The following SH3RF1 variants were observed in gnomAD, a reference collection of about 807,000 sequenced individuals.
SH3RF1 encodes E3 ubiquitin-protein ligase SH3RF1.
In SH3RF1, 32 loss-of-function variants were observed where a neutral mutation model predicts 74.0. The ratio of observed to expected loss-of-function variants is 0.43; its 90% CI spans 0.33 to 0.58. The LOEUF is 0.58. Ranked by LOEUF, SH3RF1 falls within the 20% of genes least tolerant of loss-of-function variation. The pLI, the probability that SH3RF1 is intolerant of heterozygous loss-of-function variation, is 0.05. For synonymous variants in SH3RF1, 396 were observed against 439.6 expected (o/e 0.90, Z 1.24); for missense variants, 954 against 1,130.9 (o/e 0.84, Z 2.24).
intron 10 of SH3RF1, among the ~76,000 whole-genome samples, chr4:169,111,707 T>C (rs1001954169): frequency 6.6e-6 from 1 of 152,210 alleles, no homozygotes; most frequent in Non-Finnish European, 1.5e-5. Flanking sequence ...TAGCAGTATG[T>C]CCAGATAAAG....
intron 8 of SH3RF1, among the ~76,000 whole-genome samples, chr4:169,119,922 A>G (rs1211768086): frequency 6.6e-6 from 1 of 152,216 alleles, no homozygotes; most frequent in Non-Finnish European, 1.5e-5. Flanking sequence ...ACTGTTTCCA[A>G]GGCTTCTTTC....
chr4:169,134,718 C>A (rs1165606891), intron 5 of SH3RF1, among the ~76,000 whole-genome samples: 1 of 152,186 alleles, frequency 6.6e-6, no homozygotes, highest in Non-Finnish European at 1.5e-5. Context: ...CTTTTTCTCA[C>A]ACGGATATGA....
In SH3RF1 at chr4:169,116,296, T is replaced by C; in HGVS notation, c.2112A>G (p.Ser704=). The C allele has an allele frequency of 1.9e-6, 3 of 1,612,894 alleles. No individual in the cohort carries two copies. The highest frequency in any genetic ancestry group is 1.7e-6 in the Non-Finnish European group (2 of 1,179,330). Residue 704 remains serine (S), a synonymous_variant, in exon 10 of 12, where the codon TCA becomes TCG. Coordinates refer to ENST00000284637, the MANE Select transcript of SH3RF1 (RefSeq NM_020870.4). ...DSASSACGNS[S]ATKPDKDSKK... is the part of the protein sequence containing the mutation. ...TGCTATCCTTGTCTGGTTTGGTTGC[T>C]GAACTGTTCCCACAAGCTGATGAAG...
At chr4:169,168,543 G>C (rs938357555) in intron 2 of SH3RF1, among the ~76,000 whole-genome samples, 9 of 152,162 alleles carry the variant, frequency 5.9e-5, no homozygotes, top group African/African-American at 2.2e-4. Context: ...ACCATGAAAA[G>C]GTCTTACACA....
chr4:169,171,208 C>T (rs1034771812), intron 2 of SH3RF1, among the ~76,000 whole-genome samples: 4 of 152,178 alleles, frequency 2.6e-5, no homozygotes, highest in African/African-American at 4.8e-5. Context: ...CAGGTTGTTT[C>T]TGTACCTCAC....
At chr4:169,108,132 T>C (rs1733178648) in intron 10 of SH3RF1, among the ~76,000 whole-genome samples, 1 of 152,256 alleles carries the variant, frequency 6.6e-6, no homozygotes. Flanking sequence ...AAGCTTAACA[T>C]GATCCTTTTA....
intron 2 of SH3RF1, among the ~76,000 whole-genome samples, chr4:169,206,202 T>C (rs1276037835): frequency 2.6e-5 from 4 of 152,226 alleles, no homozygotes; most frequent in Non-Finnish European, 5.9e-5. Flanking sequence ...TATGGAATCT[T>C]CACTGCTATA....
chr4:169,209,459 A>G (rs2126994999), intron 2 of SH3RF1, among the ~76,000 whole-genome samples: 1 of 152,262 alleles, frequency 6.6e-6, no homozygotes, highest in South Asian at 2.1e-4. Context: ...CTCATCCTAC[A>G]GCACCTATCC....
At chr4:169,214,530 C>T (rs1454975719) in intron 2 of SH3RF1, among the ~76,000 whole-genome samples, 1 of 152,194 alleles carries the variant, frequency 6.6e-6, no homozygotes, top group Non-Finnish European at 1.5e-5. Context: ...AAAAAACTGA[C>T]ATCTTGACAA....
At chr4:169,207,213 C>G (rs1464030441) in intron 2 of SH3RF1, among the ~76,000 whole-genome samples, 3 of 152,150 alleles carry the variant, frequency 2.0e-5, no homozygotes, top group Non-Finnish European at 4.4e-5. Flanking sequence ...CTGCCTCAGC[C>G]TCCCAACAGG....
At chr4:169,180,988 T>A (rs1289370323) in intron 2 of SH3RF1, among the ~76,000 whole-genome samples, 1 of 152,164 alleles carries the variant, frequency 6.6e-6, no homozygotes, top group Admixed American at 6.5e-5. Flanking sequence ...TACTCACAAA[T>A]TCGCTCTAGG....
intron 2 of SH3RF1, among the ~76,000 whole-genome samples, chr4:169,186,242 T>C (rs988107354): frequency 9.2e-5 from 14 of 152,158 alleles, no homozygotes; most frequent in East Asian, 3.9e-4. Flanking sequence ...CCTGGACTTA[T>C]TGTTAACAAA....
intron 5 of SH3RF1, 139 bp from the exon 6 acceptor site, chr4:169,130,295 T>C: frequency 1.5e-6 from 1 of 650,826 alleles, no homozygotes; most frequent in Non-Finnish European, 2.5e-6. Flanking sequence ...GAATCCCTTT[T>C]AGTCTGCTCA....
At chr4:169,210,096 T>C (rs896191446) in intron 2 of SH3RF1, among the ~76,000 whole-genome samples, 10 of 152,144 alleles carry the variant, frequency 6.6e-5, no homozygotes, top group African/African-American at 2.4e-4. Context: ...ATGCCTGGAC[T>C]CTACACGCCA....
chr4:169,116,250 T>C lies in SH3RF1; in HGVS notation c.2139+19A>G. 1 of 1,571,574 alleles carries C rather than the reference T, an allele frequency of 6.4e-7. No individual in the cohort carries two copies. Among genetic ancestry groups the C allele is most frequent in the South Asian group, 1.2e-5 (1 of 83,532 alleles). ...GGAAGTAAGTAAAGCAGAGAAACAG[T>C]AAGTAAGTATGGTCTTACTTTGCTA... On this transcript the variant is annotated intron_variant, in intron 10 of 11. Transcript: ENST00000284637.
intron 10 of SH3RF1, among the ~76,000 whole-genome samples, chr4:169,109,268 C>G (rs563865805): frequency 1.5e-4 from 23 of 152,348 alleles, no homozygotes; most frequent in African/African-American, 5.3e-4. Context: ...ACAGCTAAAG[C>G]TGTTTCTTAA....
intron 10 of SH3RF1, among the ~76,000 whole-genome samples, chr4:169,110,335 G>A: frequency 6.6e-6 from 1 of 152,120 alleles, no homozygotes; most frequent in East Asian, 1.9e-4. Context: ...CTGGGTGACA[G>A]AGTGAGACCT....
chr4:169,266,107 C>G (rs1731349114), intron 2 of SH3RF1, among the ~76,000 whole-genome samples: 1 of 152,162 alleles, frequency 6.6e-6, no homozygotes, highest in Non-Finnish European at 1.5e-5. Context: ...TGATTCCAAT[C>G]CCACACTCTC....
intron 10 of SH3RF1, among the ~76,000 whole-genome samples, chr4:169,115,796 A>T (rs904323906): frequency 6.6e-6 from 1 of 152,204 alleles, no homozygotes; most frequent in African/African-American, 2.4e-5. Context: ...TAGATAAAAT[A>T]AATCCATAAG....
Sources: gnomAD v4.1 joint callset for allele counts (sites outside exome capture counted in the v4.1 genomes callset) on GRCh38, gnomAD v4.1.1 for gene constraint, MANE v1.5 for transcripts, NCBI Gene and HGNC (gene_info 2026-07-23, HGNC 2026-07-21) for gene names.